ALS2CL: variants seen among roughly 807,000 people sequenced by gnomAD.
ALS2CL encodes the protein ALS2 C-terminal like, also known as ALS2 C-terminal-like protein.
A neutral mutation model predicts 127.9 loss-of-function variants in ALS2CL; 112 were observed. The observed-to-expected ratio is 0.88, with a 90% CI of 0.75 to 1.02. The LOEUF (loss-of-function observed/expected upper bound fraction) is 1.02, where lower values mean the gene tolerates loss of function less well. Among genes scored for constraint, ALS2CL ranks in the 50% least tolerant of loss-of-function variants. The pLI is 0.00. For missense variants in ALS2CL, 1,174 were observed against 1,236.7 expected, an observed-to-expected ratio of 0.95 and a Z score of 0.76; for synonymous variants, 519 against 527.6, an observed-to-expected ratio of 0.98 and a Z score of 0.22.
rs1236464416 is a variant in ALS2CL, at chr3:46,681,211, C to G, written c.1436+35G>C. ...TGGTCTGTGAGGGCCCGGTCCACCC[C>G]TCCGTCCTGGGAGTGGTGGCTGCAG... On this transcript the variant is annotated intron_variant, in intron 13 of 25. Transcript: ENST00000318962. This position sits in a 1 kb window ranked among gnomAD's most constrained non-coding sequence, Gnocchi z 4.9. The G allele has an allele frequency of 6.2e-7, 1 of 1,613,622 alleles. No individual in the cohort carries two copies. Among genetic ancestry groups the G allele is most frequent in the South Asian group, 1.1e-5 (1 of 91,080 alleles).
At chr3:46,676,785 C>T in intron 17 of ALS2CL, 47 bp from the exon 18 acceptor site, 1 of 1,612,148 alleles carries the variant, frequency 6.2e-7, no homozygotes, top group South Asian at 1.1e-5. Context: ...GGCCCAGCCC[C>T]CTCCCCCCAG....
chr3:46,670,184 G>C lies in ALS2CL; in HGVS notation c.*800C>G, dbSNP rs1284721437. Reference sequence around the variant, plus strand: ...AGGAATAAAGCTGCCCCAAGACCCAGCTCCTGCCTCTCTTGGTCCCACACT... The same window carrying C: ...AGGAATAAAGCTGCCCCAAGACCCACCTCCTGCCTCTCTTGGTCCCACACT... On this transcript the variant is annotated 3_prime_UTR_variant, in exon 26 of 26. Transcript: ENST00000318962. The surrounding 1 kb of genome is among the most constrained non-coding windows in gnomAD (Gnocchi z 5.5). The C allele has an allele frequency of 2.6e-5, 4 of 152,294 alleles. No individual in the cohort carries two copies. The highest frequency in any genetic ancestry group is 9.6e-5 in the African/African-American group (4 of 41,544). 9.4% of individuals were successfully genotyped at this position (152,294 alleles called of 1,614,324 possible).
chr3:46,679,153 T>A, intron 15 of ALS2CL, 57 bp downstream of exon 15: 1 of 1,501,752 alleles, frequency 6.7e-7, no homozygotes, highest in Non-Finnish European at 9.0e-7. Flanking sequence ...GTGGGGAGAT[T>A]ACAGACACCA....
rs1356039123 is a variant in ALS2CL, at chr3:46,672,133, C to T, written c.2534+7G>A. On this transcript the variant is annotated splice_region_variant and intron_variant, in intron 23 of 25. Coordinates refer to ENST00000318962, the MANE Select transcript of ALS2CL (RefSeq NM_147129.5). ...CGGACCCCCAACCCACTACGGCTCA[C>T]ACTCACATGATCTTCTGCAGGCACT... 1.9e-6 allele frequency: 3 copies of T among 1,614,062 alleles called. No individual in the cohort carries two copies. Among genetic ancestry groups the T allele is most frequent in the African/African-American group, 1.3e-5 (1 of 74,932 alleles).
chr3:46,671,255 A>G (rs1431496461), intron 25 of ALS2CL, among the ~76,000 whole-genome samples, 191 bp from the exon 26 acceptor site: 1 of 152,094 alleles, frequency 6.6e-6, no homozygotes, highest in Non-Finnish European at 1.5e-5. Context: ...GGAATGCAGC[A>G]TGGAGCAATC....
At position 46,682,055 on chromosome 3, in the gene ALS2CL, C is replaced by G. The variant is rs202146355; in HGVS notation, c.1149G>C (p.Gly383=). ...LKWPDGRNHV[G]NFCQGLEHGF... Reference sequence around the variant, plus strand: ...CATGCTCCAGGCCCTGGCAGAAATTCCCCACGTGATTCCGCCCATCCGGCC... The same window carrying G: ...CATGCTCCAGGCCCTGGCAGAAATTGCCCACGTGATTCCGCCCATCCGGCC... The change falls in exon 11 of 26, where the codon GGG becomes GGC. Residue 383 remains glycine, a synonymous_variant. Transcript: ENST00000318962. 1.2e-6 allele frequency: 2 copies of G among 1,614,032 alleles called. No homozygotes were observed. Among genetic ancestry groups the G allele is most frequent in the Admixed American group, 3.3e-5 (2 of 60,002 alleles).
chr3:46,675,553 C>T, intron 20 of ALS2CL, 65 bp downstream of exon 20: 1 of 1,502,400 alleles, frequency 6.7e-7, no homozygotes, highest in Non-Finnish European at 9.2e-7. Context: ...CAAGGGAGGT[C>T]CTAGGAGCAG....
In ALS2CL at chr3:46,671,767, A is replaced by G. The variant is rs1404769136; in HGVS notation, c.2684+117T>C. ...CCCTTTTCTGGGCCTTGGCTTCCCC[A>G]TCTGTACAGAGAGAAGCTGCATCCA... is the stretch of plus-strand genomic sequence containing the variant. On this transcript the variant is annotated intron_variant, in intron 24 of 25. Transcript: ENST00000318962. The G allele has an allele frequency of 2.6e-6, 4 of 1,533,406 alleles. No homozygotes were observed. In the East Asian group the frequency reaches 9.5e-5, roughly 36 times the overall value. 95.0% of individuals were successfully genotyped at this position (1,533,406 alleles called of 1,614,324 possible). A position where few individuals can be genotyped will look rare whatever the true frequency, so the allele number is the denominator to read the frequency against.
chr3:46,692,885 G>GC (rs534709581), intron 1 of ALS2CL, among the ~76,000 whole-genome samples: 362 of 152,292 alleles, frequency 2.4e-3, no homozygotes, highest in South Asian at 5.0e-3. Context: ...GGCTCCTTAG[G>GC]CCCCTGACAC....
Position 46,687,509 on chromosome 3 carries a change from T to A in ALS2CL, c.368+110A>T. 2.4e-6 allele frequency: 3 copies of A among 1,236,780 alleles called. 1 individual carries two copies. The highest frequency in any genetic ancestry group is 1.5e-5 in the African/African-American group (1 of 67,062). 76.6% of individuals were successfully genotyped at this position (1,236,780 alleles called of 1,614,324 possible). A position where few individuals can be genotyped will look rare whatever the true frequency, so the allele number is the denominator to read the frequency against. The stretch of plus-strand genomic sequence containing the variant: ...TTGTAGAGCCAGGAGTCCTCCAGGA[T>A]GAGTTGTGGGCTGTGACACCTGCTG... On this transcript the variant is annotated intron_variant, in intron 4 of 25. Coordinates refer to ENST00000318962, the MANE Select transcript of ALS2CL (RefSeq NM_147129.5).
chr3:46,673,847 A>C (rs1472475357), intron 21 of ALS2CL, among the ~76,000 whole-genome samples: 1 of 152,128 alleles, frequency 6.6e-6, no homozygotes, highest in Non-Finnish European at 1.5e-5. Flanking sequence ...ATAGAGGAAG[A>C]AACAGGGATT....
chr3:46,673,660 C>A (rs574672990), intron 21 of ALS2CL, among the ~76,000 whole-genome samples: 3 of 152,266 alleles, frequency 2.0e-5, no homozygotes, highest in African/African-American at 7.2e-5. Flanking sequence ...ATCCAGGAGG[C>A]TCTGCTGAGC....
chr3:46,670,971 A>C lies in ALS2CL; in HGVS notation c.*13T>G. The C allele has an allele frequency of 6.2e-7, 1 of 1,611,804 alleles. No individual in the cohort carries two copies. Among genetic ancestry groups the C allele is most frequent in the Non-Finnish European group, 8.5e-7 (1 of 1,177,900 alleles). ...CCCTGCTCAGCTCTTCAGTCTGTCCAGGAAAGGCCAGGCTACCAGAGCTCC... is the reference window on the plus strand; with the variant it reads ...CCCTGCTCAGCTCTTCAGTCTGTCCCGGAAAGGCCAGGCTACCAGAGCTCC... On this transcript the variant is annotated 3_prime_UTR_variant, in exon 26 of 26. Transcript: ENST00000318962. The surrounding 1 kb of genome is among the most constrained non-coding windows in gnomAD (Gnocchi z 5.5).
chr3:46,681,359 C>A lies in ALS2CL; in HGVS notation c.1323G>T (p.Arg441=), dbSNP rs1286008670. The A allele has an allele frequency of 1.2e-6, 2 of 1,609,248 alleles. No homozygotes were observed. Among genetic ancestry groups the A allele is most frequent in the South Asian group, 1.1e-5 (1 of 90,904 alleles). The change falls in exon 13 of 26, where the codon CGG becomes CGT. Residue 441 remains arginine (R), a synonymous_variant. Transcript: ENST00000318962. The surrounding 1 kb of genome is among the most constrained non-coding windows in gnomAD (Gnocchi z 4.9). The part of the protein sequence containing the change: ...VYKGYFQEGL[R]HGFGVLESGP... ...CACTCTCAAGGACCCCAAATCCGTGCCGCAGGCCCTCCTGGAAGTAGCCCT... is the reference window on the plus strand; with the variant it reads ...CACTCTCAAGGACCCCAAATCCGTGACGCAGGCCCTCCTGGAAGTAGCCCT...
chr3:46,673,133 G>A (rs1456959827), intron 22 of ALS2CL, among the ~76,000 whole-genome samples: 2 of 152,218 alleles, frequency 1.3e-5, no homozygotes, highest in Non-Finnish European at 2.9e-5. Context: ...AGCCAGGTAA[G>A]AACCTGTGTT....
intron 21 of ALS2CL, 61 bp from the exon 22 acceptor site, chr3:46,673,442 G>A (rs781624992): frequency 2.6e-5 from 39 of 1,511,674 alleles, no homozygotes; most frequent in Admixed American, 4.0e-5. Context: ...TCTGAGGTCA[G>A]AGGGCAAATT....
In ALS2CL at chr3:46,684,014, C is replaced by T. The variant is rs529607728; in HGVS notation, c.820G>A (p.Val274Met). The change falls in exon 8 of 26, where the codon GTG (valine) becomes ATG (methionine). Residue 274 changes from valine (V) to methionine (M), a missense_variant. By Grantham distance (21) the Val-to-Met change is conservative. Coordinates refer to ENST00000318962, the MANE Select transcript of ALS2CL (RefSeq NM_147129.5). ...HNVHTFDLKL[V>M]WVDPGQDGCT... ...CCGTCCTGCCCAGGATCCACCCACACCAGCTTCAGATCAAAGGTGTGGACA... is the reference window on the plus strand; with the variant it reads ...CCGTCCTGCCCAGGATCCACCCACATCAGCTTCAGATCAAAGGTGTGGACA... 5 of 1,572,206 alleles carry T rather than the reference C, an allele frequency of 3.2e-6. No individual in the cohort carries two copies. In the South Asian group the frequency reaches 3.4e-5, roughly 11 times the overall value.
rs1197578724 is a variant in ALS2CL at position 46,687,703 on chromosome 3, A to G, written c.303-19T>C. On this transcript the variant is annotated intron_variant, in intron 3 of 25. Coordinates refer to ENST00000318962, the MANE Select transcript of ALS2CL (RefSeq NM_147129.5). ...AATGTACCTGCAGGCAGCACAGGGGACACCCTGCAAACCCAGTCCTCAGCC... is the reference window on the plus strand; with the variant it reads ...AATGTACCTGCAGGCAGCACAGGGGGCACCCTGCAAACCCAGTCCTCAGCC... 2.5e-6 allele frequency: 4 copies of G among 1,606,848 alleles called. No homozygotes were observed. In the African/African-American group the frequency reaches 5.4e-5, roughly 21 times the overall value.
chr3:46,691,833 C>G (rs1481488091), intron 1 of ALS2CL, among the ~76,000 whole-genome samples: 1 of 151,146 alleles, frequency 6.6e-6, no homozygotes, highest in Non-Finnish European at 1.5e-5. Context: ...GCTGGGATTA[C>G]AGGCGTGAGC....
Sources: allele counts gnomAD v4.1 joint callset (sites outside exome capture counted in the v4.1 genomes callset), GRCh38; gene constraint gnomAD v4.1.1; non-coding constraint Gnocchi (gnomAD v3.1); transcripts MANE v1.5; gene names NCBI Gene and HGNC (gene_info 2026-07-23, HGNC 2026-07-21).